TRADD: variants seen among roughly 807,000 people sequenced by gnomAD.
TRADD encodes the protein tumor necrosis factor receptor type 1-associated DEATH domain protein.
In TRADD, 14 loss-of-function variants were observed where a neutral mutation model predicts 31.5. The observed-to-expected ratio is 0.44, with a 90% CI of 0.29 to 0.69. TRADD has a LOEUF of 0.69. Ranked by LOEUF, TRADD falls within the 30% of genes least tolerant of loss-of-function variation. TRADD has a pLI of 0.11. For synonymous variants in TRADD, 220 were observed against 215.8 expected (o/e 1.02, Z -0.17); for missense variants, 388 against 435.7 (o/e 0.89, Z 0.97).
chr16:67,156,238 A>G lies in TRADD; in HGVS notation c.151+272T>C, dbSNP rs2030691970. On this transcript the variant is annotated intron_variant, in intron 2 of 4. Transcript: ENST00000345057. This position sits in a 1 kb window ranked among gnomAD's most constrained non-coding sequence, Gnocchi z 4.6. ...GGAAAAGAGGAGAGAGACATCCACA[A>G]TTAGTAGAAAGGAGTGAGCCGGCTG... 1.4e-6 allele frequency: 2 copies of G among 1,445,984 alleles called. No homozygotes were observed. Among genetic ancestry groups the G allele is most frequent in the Admixed American group, 4.2e-5 (2 of 47,112 alleles). The allele number at this position is 1,445,984 out of a possible 1,614,324, so 89.6% of individuals were successfully genotyped here.
At position 67,155,198 on chromosome 16, in the gene TRADD, C is replaced by A. The variant is rs1175006166; in HGVS notation, c.526G>T (p.Ala176Ser). Reference sequence around the variant, plus strand: ...ACCGGGGGCTGCAAGGGGGCCGAAGCGACCTCCCCGTCGCCACCCCGGGCC... The same window carrying A: ...ACCGGGGGCTGCAAGGGGGCCGAAGAGACCTCCCCGTCGCCACCCCGGGCC... ...SGARGGDGEVASAPLQPPVPS... is the reference protein window; with the variant it reads ...SGARGGDGEVSSAPLQPPVPS... The change falls in exon 4 of 5, where the codon GCT (alanine) becomes TCT (serine). Residue 176 changes from alanine (A) to serine (S), a missense_variant. Physicochemically the swap from Ala to Ser is moderately conservative, Grantham distance 99. Transcript: ENST00000345057. The A allele has an allele frequency of 1.3e-6, 2 of 1,582,414 alleles. No homozygotes were observed.
chr16:67,155,617 C>A lies in TRADD; in HGVS notation c.189G>T (p.Lys63Asn). 1 of 1,558,054 alleles carries A rather than the reference C, an allele frequency of 6.4e-7. No homozygotes were observed. The highest frequency in any genetic ancestry group is 2.3e-5 in the East Asian group (1 of 42,766). Residue 63 changes from lysine to asparagine, a missense_variant, in exon 3 of 5, where the codon AAG becomes AAT. Transcript: ENST00000345057. ...GGSPDVLQML[K>N]IHRSDPQLIV... is the part of the protein sequence containing the mutation. ...TCAGCTGCGGGTCGCTGCGGTGGAT[C>A]TTCAGCATCTGCAGCACGTCCGGGC...
In TRADD at chr16:67,154,293, C is replaced by T; in HGVS notation, c.*356G>A. 2 of 408,626 alleles carry T rather than the reference C, an allele frequency of 4.9e-6. No individual in the cohort carries two copies. Among genetic ancestry groups the T allele is most frequent in the Non-Finnish European group, 9.1e-6 (2 of 220,800 alleles). 25.3% of individuals were successfully genotyped at this position (408,626 alleles called of 1,614,324 possible). A position where few individuals can be genotyped will look rare whatever the true frequency, so the allele number is the denominator to read the frequency against. ...CAAGATTGATTCCTGTTTTACTTCA[C>T]TGCAGTATCTGCAGCACCCAGGATG... On this transcript the variant is annotated 3_prime_UTR_variant, in exon 5 of 5. Coordinates refer to ENST00000345057, the MANE Select transcript of TRADD (RefSeq NM_003789.4). The surrounding 1 kb of genome is among the most constrained non-coding windows in gnomAD (Gnocchi z 5.2).
intron 2 of TRADD, 125 bp from the exon 3 acceptor site, chr16:67,155,779 C>T: frequency 6.8e-7 from 1 of 1,464,120 alleles, no homozygotes; most frequent in Non-Finnish European, 9.0e-7. Flanking sequence ...GTGCAGTTAC[C>T]CCAGAGTACC....
Position 67,155,640 on chromosome 16 carries a change from G to C in TRADD, c.166C>G (p.Pro56Ala), listed in dbSNP as rs1298427026. Residue 56 changes from proline to alanine, a missense_variant, in exon 3 of 5, where the codon CCG becomes GCG. Pro to Ala is a conservative substitution (Grantham distance 27). Coordinates refer to ENST00000345057, the MANE Select transcript of TRADD (RefSeq NM_003789.4). ...ATCTTCAGCATCTGCAGCACGTCCG[G>C]GCTCCCGCCGCTCTCTGCGGAGGCG... ...QAALAESGGS[P>A]DVLQMLKIHR... The C allele has an allele frequency of 4.5e-6, 7 of 1,549,868 alleles. No homozygotes were observed. Among genetic ancestry groups the C allele is most frequent in the Admixed American group, 3.7e-5 (2 of 53,654 alleles).
chr16:67,154,776 C>T lies in TRADD; in HGVS notation c.812G>A (p.Arg271His). The change falls in exon 5 of 5, where the codon CGC becomes CAC. Residue 271 changes from arginine to histidine, a missense_variant. By Grantham distance (29) the Arg-to-His change is conservative. Transcript: ENST00000345057. This position sits in a 1 kb window ranked among gnomAD's most constrained non-coding sequence, Gnocchi z 5.2. The part of the protein sequence containing the change: ...LYEQAFQLLR[R>H]FVQAEGRRAT... ...GCGGCGGCCCTCGGCCTGCACGAAG[C>T]GCCGCAGCAGCTGGAAGGCCTGCTC... is the stretch of plus-strand genomic sequence containing the variant. The T allele has an allele frequency of 6.2e-7, 1 of 1,603,606 alleles. No homozygotes were observed. The highest frequency in any genetic ancestry group is 8.5e-7 in the Non-Finnish European group (1 of 1,175,928).
chr16:67,155,323 G>T, intron 3 of TRADD, 29 bp from the exon 4 acceptor site: 1 of 1,608,510 alleles, frequency 6.2e-7, no homozygotes, highest in South Asian at 1.1e-5. Context: ...CCGTCACGGG[G>T]GACTTAACCG....
intron 1 of TRADD, among the ~76,000 whole-genome samples, chr16:67,157,030 C>T (rs1225113452): frequency 6.6e-6 from 1 of 152,198 alleles, no homozygotes; most frequent in East Asian, 1.9e-4. Flanking sequence ...CCAATGCGGA[C>T]AAGAGACATC....
Position 67,154,484 on chromosome 16 carries a change from C to A in TRADD, c.*165G>T. The A allele has an allele frequency of 1.2e-6, 1 of 810,396 alleles. No individual in the cohort carries two copies. The highest frequency in any genetic ancestry group is 2.0e-6 in the Non-Finnish European group (1 of 507,042). 50.2% of individuals were successfully genotyped at this position (810,396 alleles called of 1,614,324 possible). A position where few individuals can be genotyped will look rare whatever the true frequency, so the allele number is the denominator to read the frequency against. On this transcript the variant is annotated 3_prime_UTR_variant, in exon 5 of 5. Transcript: ENST00000345057. This position sits in a 1 kb window ranked among gnomAD's most constrained non-coding sequence, Gnocchi z 5.2. Reference sequence around the variant, plus strand: ...AGGCAGAATCCCCAATGATGCACCCCCAGTGGTCTGGCTCCTGGGGAAGGC... The same window carrying A: ...AGGCAGAATCCCCAATGATGCACCCACAGTGGTCTGGCTCCTGGGGAAGGC...
chr16:67,154,823 C>T lies in TRADD; in HGVS notation c.765G>A (p.Glu255=). ...GCTCGTACAGTCCCTCGCGCTCGTA[C>T]TCGTAGGCCAGCGAGTCCAGCGCCG... is the stretch of plus-strand genomic sequence containing the variant. ...RDPALDSLAY[E]YEREGLYEQA... The change falls in exon 5 of 5, where the codon GAG becomes GAA. Residue 255 remains glutamate (E), a synonymous_variant. Coordinates refer to ENST00000345057, the MANE Select transcript of TRADD (RefSeq NM_003789.4). The surrounding 1 kb of genome is among the most constrained non-coding windows in gnomAD (Gnocchi z 5.2). 1 of 1,592,782 alleles carries T rather than the reference C, an allele frequency of 6.3e-7. No individual in the cohort carries two copies. The highest frequency in any genetic ancestry group is 8.5e-7 in the Non-Finnish European group (1 of 1,170,804).
In TRADD at chr16:67,154,893, T is replaced by C. The variant is rs1373964549; in HGVS notation, c.695A>G (p.Lys232Arg). The stretch of plus-strand genomic sequence containing the variant: ...GCCTCGCTGCAGTGAGCGCCCCACC[T>C]TGCGCCATTTGAGACCCACAGAGCG... ...FARSVGLKWR[K>R]VGRSLQRGCR... Residue 232 changes from lysine to arginine, a missense_variant, in exon 5 of 5, where the codon AAG (lysine) becomes AGG (arginine). Coordinates refer to ENST00000345057, the MANE Select transcript of TRADD (RefSeq NM_003789.4). The surrounding 1 kb of genome is among the most constrained non-coding windows in gnomAD (Gnocchi z 5.2). 1.2e-6 allele frequency: 2 copies of C among 1,603,512 alleles called. No individual in the cohort carries two copies. The highest frequency in any genetic ancestry group is 2.2e-5 in the South Asian group (2 of 89,652).
Position 67,156,076 on chromosome 16 carries a change from C to G in TRADD, c.152-422G>C, listed in dbSNP as rs766883114. ...CCACTGCTCGGGAAGAAGAGGGGCT[C>G]TCGCCGCTCTGAGGCCACGAACAGA... On this transcript the variant is annotated intron_variant, in intron 2 of 4. Transcript: ENST00000345057. This position sits in a 1 kb window ranked among gnomAD's most constrained non-coding sequence, Gnocchi z 4.6. 5 of 1,350,502 alleles carry G rather than the reference C, an allele frequency of 3.7e-6. No individual in the cohort carries two copies. The highest frequency in any genetic ancestry group is 2.2e-5 in the Admixed American group (1 of 45,212). The allele number at this position is 1,350,502 out of a possible 1,614,324, so 83.7% of individuals were successfully genotyped here. A position where few individuals can be genotyped will look rare whatever the true frequency, so the allele number is the denominator to read the frequency against.
At chr16:67,155,348 AC>A in intron 3 of TRADD, 28 bp downstream of exon 3, 1 of 1,604,328 alleles carries the variant, frequency 6.2e-7, no homozygotes. Flanking sequence ...TCCCCGCCCT[AC>A]CCCATCCTGA....
Position 67,155,027 on chromosome 16 carries a change from C to G in TRADD, c.629-68G>C, listed in dbSNP as rs1451304746. ...AGCGCCGGTCCCACCCATCCCCACC[C>G]GGCAACGACCCCTGCCCCTCCCCAG... is the stretch of plus-strand genomic sequence containing the variant. On this transcript the variant is annotated intron_variant, in intron 4 of 4. Coordinates refer to ENST00000345057, the MANE Select transcript of TRADD (RefSeq NM_003789.4). 2.6e-6 allele frequency: 4 copies of G among 1,555,344 alleles called. No homozygotes were observed. The Admixed American group carries it at 5.8e-5, about 22-fold the overall frequency.
Position 67,155,470 on chromosome 16 carries a change from C to T in TRADD, c.336G>A (p.Val112=), listed in dbSNP as rs1185824865. The change falls in exon 3 of 5, where the codon GTG becomes GTA. Residue 112 remains valine, a synonymous_variant. Transcript: ENST00000345057. ...SLAAALAQHS[V]PLQLELRAGA... ...CGGCGCGCAGCTCCAGTTGCAGCGG[C>T]ACCGAGTGCTGGGCGAGCGCGGCCG... The T allele has an allele frequency of 6.3e-7, 1 of 1,588,072 alleles. No individual in the cohort carries two copies. Among genetic ancestry groups the T allele is most frequent in the Admixed American group, 1.7e-5 (1 of 58,762 alleles).
Position 67,155,098 on chromosome 16 carries a change from A to G in TRADD, c.626T>C (p.Val209Ala). Residue 209 changes from valine (V) to alanine (A), a missense_variant and splice_region_variant, in exon 4 of 5, where the codon GTA becomes GCA. By Grantham distance (64) the Val-to-Ala change is moderately conservative (BLOSUM62 0). Transcript: ENST00000345057. ...CCGCCTCTCCACCTGCGCCTCACCT[A>G]CAGGCTGACCCTGGAACAGAAAAGT... ...AQTFLFQGQP[V>A]VNRPLSLKDQ... 4.5e-6 allele frequency: 7 copies of G among 1,542,878 alleles called. No homozygotes were observed. Among genetic ancestry groups the G allele is most frequent in the South Asian group, 1.2e-5 (1 of 84,318 alleles).
Position 67,156,624 on chromosome 16 carries a change from C to T in TRADD, c.37G>A (p.Gly13Ser). ...GACTCCACAAACAGGTATGCGCTGC[C>T]CACCCACTCTTCGTGCCCATTTTGC... Reference protein sequence around the residue: ...AGQNGHEEWVGSAYLFVESSL... With the variant: ...AGQNGHEEWVSSAYLFVESSL... The change falls in exon 2 of 5, where the codon GGC (glycine) becomes AGC (serine). Residue 13 changes from glycine to serine, a missense_variant. Physicochemically the swap from Gly to Ser is moderately conservative, Grantham distance 56. Transcript: ENST00000345057. This position sits in a 1 kb window ranked among gnomAD's most constrained non-coding sequence, Gnocchi z 4.6. The T allele has an allele frequency of 1.2e-6, 2 of 1,614,122 alleles. No individual in the cohort carries two copies. Among genetic ancestry groups the T allele is most frequent in the South Asian group, 1.1e-5 (1 of 91,080 alleles).
At position 67,155,474 on chromosome 16, in the gene TRADD, G is replaced by A. The variant is rs201869508; in HGVS notation, c.332C>T (p.Ser111Leu). The change falls in exon 3 of 5, where the codon TCG (serine) becomes TTG (leucine). Residue 111 changes from serine (S) to leucine (L), a missense_variant. Physicochemically the swap from Ser to Leu is moderately radical, Grantham distance 145. Transcript: ENST00000345057. ...RSLAAALAQHSVPLQLELRAG... is the reference protein window; with the variant it reads ...RSLAAALAQHLVPLQLELRAG... ...GCGCAGCTCCAGTTGCAGCGGCACCGAGTGCTGGGCGAGCGCGGCCGCCAG... is the reference window on the plus strand; with the variant it reads ...GCGCAGCTCCAGTTGCAGCGGCACCAAGTGCTGGGCGAGCGCGGCCGCCAG... The A allele has an allele frequency of 1.2e-3, 1,832 of 1,584,962 alleles. 6 individuals carry two copies. The highest frequency in any genetic ancestry group is 1.3e-3 in the Non-Finnish European group (1,576 of 1,173,626).
At position 67,154,771 on chromosome 16, in the gene TRADD, C is replaced by G. The variant is rs763427592; in HGVS notation, c.817G>C (p.Val273Leu). The G allele has an allele frequency of 6.2e-7, 1 of 1,604,506 alleles. No individual in the cohort carries two copies. The highest frequency in any genetic ancestry group is 1.1e-5 in the South Asian group (1 of 89,774). ...GTGGCGCGGCGGCCCTCGGCCTGCA[C>G]GAAGCGCCGCAGCAGCTGGAAGGCC... ...EQAFQLLRRF[V>L]QAEGRRATLQ... The change falls in exon 5 of 5, where the codon GTG (valine) becomes CTG (leucine). Residue 273 changes from valine to leucine, a missense_variant. Physicochemically the swap from Val to Leu is conservative, Grantham distance 32. Transcript: ENST00000345057. The surrounding 1 kb of genome is among the most constrained non-coding windows in gnomAD (Gnocchi z 5.2).
Sources: allele counts gnomAD v4.1 joint callset (sites outside exome capture counted in the v4.1 genomes callset), GRCh38; gene constraint gnomAD v4.1.1; non-coding constraint Gnocchi (gnomAD v3.1); transcripts MANE v1.5; gene names NCBI Gene and HGNC (gene_info 2026-07-23, HGNC 2026-07-21).